Variants in SOS1 observed in about 807,000 individuals in gnomAD.
The protein encoded by SOS1 is SOS Ras/Rac guanine nucleotide exchange factor 1.
Under a neutral mutation model 157.6 loss-of-function variants are expected in SOS1, and 25 were observed. That is an observed-to-expected ratio of 0.16 (90% CI 0.12 to 0.22). The LOEUF (loss-of-function observed/expected upper bound fraction) is 0.22, where lower values mean the gene tolerates loss of function less well. SOS1 is among the 10% of genes least tolerant of loss of function. The pLI, the probability that SOS1 is intolerant of heterozygous loss-of-function variation, is 1.00. For missense variants in SOS1, 1,237 were observed against 1,599.1 expected, an observed-to-expected ratio of 0.77 and a Z score of 3.86; for synonymous variants, 528 against 534.0, an observed-to-expected ratio of 0.99 and a Z score of 0.16.
At chr2:39,061,391 T>C (rs1368079251) in intron 2 of SOS1, among the ~76,000 whole-genome samples, 1 of 152,102 alleles carries the variant, frequency 6.6e-6, no homozygotes, top group African/African-American at 2.4e-5. Flanking sequence ...CTTTACTTTT[T>C]ATTTATTTTG....
At chr2:39,047,302 G>T (rs568783788) in intron 6 of SOS1, among the ~76,000 whole-genome samples, 1 of 152,094 alleles carries the variant, frequency 6.6e-6, no homozygotes, top group Non-Finnish European at 1.5e-5. Flanking sequence ...TATCCCTTAT[G>T]AATAAACCTA....
intron 1 of SOS1, chr2:39,082,735 T>C (rs1227858685): frequency 2.6e-5 from 4 of 152,156 alleles, no homozygotes; most frequent in African/African-American, 9.7e-5. Flanking sequence ...GCCGAAAACA[T>C]GGATCTGGAA....
At chr2:39,107,953 A>G (rs1318668034) in intron 1 of SOS1, among the ~76,000 whole-genome samples, 1 of 152,158 alleles carries the variant, frequency 6.6e-6, no homozygotes, top group African/African-American at 2.4e-5. Flanking sequence ...ACGCTTGGAT[A>G]TCTGCCAAAG....
At chr2:39,005,481 AATTAAG>A (rs1282488818) in intron 17 of SOS1, among the ~76,000 whole-genome samples, 3 of 152,134 alleles carry the variant, frequency 2.0e-5, no homozygotes, top group Non-Finnish European at 2.9e-5. Context: ...CATTATAAAT[AATTAAG>A]ATTATTTAAT....
chr2:39,082,895 G>A (rs1672257089), intron 1 of SOS1, among the ~76,000 whole-genome samples: 1 of 152,102 alleles, frequency 6.6e-6, no homozygotes, highest in Non-Finnish European at 1.5e-5. Flanking sequence ...ACAAAGATAT[G>A]GTTGGGGGTT....
chr2:39,117,050 CAG>C (rs1673677997), intron 1 of SOS1, among the ~76,000 whole-genome samples: 3 of 140,830 alleles, frequency 2.1e-5, no homozygotes, highest in African/African-American at 5.3e-5. Context: ...TTTTTTGAGA[CAG>C]AGTTTTGCTC....
At position 39,044,078 on chromosome 2, in the gene SOS1, C is replaced by T. The variant is rs116248240; in HGVS notation, c.864+7066G>A. 3.2e-3 allele frequency among the ~76,000 whole-genome samples: 486 copies of T among 152,208 alleles called. 4 individuals are homozygous for T. The highest frequency in any genetic ancestry group is 0.011 in the African/African-American group (463 of 41,522). ...TTCTTTCATGATTTAAAAAACAGGCCTGGTACGGTGGCTCACGTATGTAAT... is the reference window on the plus strand; with the variant it reads ...TTCTTTCATGATTTAAAAAACAGGCTTGGTACGGTGGCTCACGTATGTAAT... On this transcript the variant is annotated intron_variant, in intron 6 of 22. Transcript: ENST00000402219.
rs1572889634 is a variant in SOS1 at position 39,096,606 on chromosome 2, C to T, written c.87+23730G>A. The stretch of plus-strand genomic sequence containing the variant: ...AAGTCACTAAAAATATCTTGGCTGG[C>T]CGGGCACGGTGGTCCACGCCTGTAA... On this transcript the variant is annotated intron_variant, in intron 1 of 22. Transcript: ENST00000402219. 2.0e-5 allele frequency among the ~76,000 whole-genome samples: 3 copies of T among 152,218 alleles called. No homozygotes were observed. The East Asian group carries it at 5.8e-4, about 29-fold the overall frequency.
At chr2:39,119,834 TGAG>T (rs1173075363) in intron 1 of SOS1, among the ~76,000 whole-genome samples, 5 of 152,188 alleles carry the variant, frequency 3.3e-5, no homozygotes, top group African/African-American at 1.2e-4. Context: ...ACCAGGAGAA[TGAG>T]GAGTGAATAC....
chr2:39,046,495 CTTTTTTTTTTTTTTTT>C (rs201639147), intron 6 of SOS1, among the ~76,000 whole-genome samples: 8 of 124,356 alleles, frequency 6.4e-5, no homozygotes, highest in Admixed American at 1.6e-4. Flanking sequence ...GAGACAGTGT[CTTTTTTTTTTTTTTTT>C]TTTTTTTTTT....
At chr2:39,092,838 G>C (rs1410591661) in intron 1 of SOS1, among the ~76,000 whole-genome samples, 1 of 152,144 alleles carries the variant, frequency 6.6e-6, no homozygotes. Context: ...CTCTAAATTA[G>C]TTGTAAAAAT....
At chr2:39,025,632 T>C (rs996431593) in intron 8 of SOS1, among the ~76,000 whole-genome samples, 2 of 152,144 alleles carry the variant, frequency 1.3e-5, no homozygotes, top group African/African-American at 4.8e-5. Context: ...AGTGCTGGGA[T>C]TACAGGCGTA....
chr2:39,078,056 A>T (rs969622451), intron 1 of SOS1, among the ~76,000 whole-genome samples: 6 of 152,210 alleles, frequency 3.9e-5, no homozygotes, highest in Non-Finnish European at 7.4e-5. Flanking sequence ...AGGATAAATA[A>T]TAACAAAGTT....
intron 17 of SOS1, among the ~76,000 whole-genome samples, chr2:38,999,533 A>T (rs1030242357): frequency 6.6e-6 from 1 of 152,218 alleles, no homozygotes; most frequent in African/African-American, 2.4e-5. Flanking sequence ...ATTTCTCAGC[A>T]CCTGGGCTAT....
chr2:39,073,779 T>C (rs1671868375), intron 1 of SOS1, among the ~76,000 whole-genome samples: 1 of 152,240 alleles, frequency 6.6e-6, no homozygotes, highest in Non-Finnish European at 1.5e-5. Context: ...AAATACTCTG[T>C]TGAATTCTGA....
intron 17 of SOS1, among the ~76,000 whole-genome samples, chr2:39,003,533 A>G (rs1329365102): frequency 6.6e-6 from 1 of 152,244 alleles, no homozygotes; most frequent in Non-Finnish European, 1.5e-5. Flanking sequence ...TGTAAACATG[A>G]TTAAATATTT....
intron 1 of SOS1, among the ~76,000 whole-genome samples, chr2:39,074,198 A>G (rs900896929): frequency 6.6e-6 from 1 of 152,094 alleles, no homozygotes; most frequent in African/African-American, 2.4e-5. Context: ...AAAAATACAA[A>G]AATTAGCCAG....
At position 39,069,190 on chromosome 2, in the gene SOS1, CAAAAAAAAAAAAAAAAA is replaced by C. The variant is rs869178369; in HGVS notation, c.88-1454_88-1438del. Among the ~76,000 whole-genome samples, 19 of 46,758 alleles carry C rather than the reference CAAAAAAAAAAAAAAAAA, an allele frequency of 4.1e-4. 1 individual carries two copies. Among genetic ancestry groups the C allele is most frequent in the African/African-American group, 1.2e-3 (17 of 14,718 alleles). The allele number at this position is 46,758 out of a possible 152,430, so 30.7% of individuals were successfully genotyped here. On this transcript the variant is annotated intron_variant, in intron 1 of 22. Transcript: ENST00000402219. ...GGGAAAACCTGTCTCTACCAAAAAG[CAAAAAAAAAAAAAAAAA>C]AAAAAAAAAAAAAAAAAGCCCAGTA...
Position 39,076,924 on chromosome 2 carries a change from G to T in SOS1, c.88-9171C>A, listed in dbSNP as rs181257193. On this transcript the variant is annotated intron_variant, in intron 1 of 22. Coordinates refer to ENST00000402219, the MANE Select transcript of SOS1 (RefSeq NM_005633.4). ...AATAAGTGAGTTTAGTAAAATTGTT[G>T]AAATAATCTATAAAAGATAGTTGCA... is the stretch of plus-strand genomic sequence containing the variant. Among the ~76,000 whole-genome samples, 37 of 152,226 alleles carry T rather than the reference G, an allele frequency of 2.4e-4. 1 individual carries two copies. In the Middle Eastern group the frequency reaches 0.01, roughly 42 times the overall value.
Sources: allele counts gnomAD v4.1 joint callset (sites outside exome capture counted in the v4.1 genomes callset), GRCh38; gene constraint gnomAD v4.1.1; transcripts MANE v1.5; gene names NCBI Gene and HGNC (gene_info 2026-07-23, HGNC 2026-07-21).